LHFPL6: variants seen among roughly 807,000 people sequenced by gnomAD.
LHFPL6 encodes LHFPL tetraspan subfamily member 6.
A neutral mutation model predicts 20.6 loss-of-function variants in LHFPL6; 9 were observed. The observed-to-expected ratio is 0.44, with a 90% CI of 0.26 to 0.76. The LOEUF (loss-of-function observed/expected upper bound fraction) is 0.76. LHFPL6 is among the 30% of genes least tolerant of loss of function. The pLI, the probability that LHFPL6 is intolerant of heterozygous loss-of-function variation, is 0.20. For missense variants in LHFPL6, 218 were observed against 253.5 expected, an observed-to-expected ratio of 0.86 and a Z score of 0.95; for synonymous variants, 105 against 98.7, an observed-to-expected ratio of 1.06 and a Z score of -0.38.
Position 39,441,447 on chromosome 13 carries a change from GCCTT to G in LHFPL6, c.386-62925_386-62922del, listed in dbSNP as rs1371195079. Among the ~76,000 whole-genome samples, 12 of 151,958 alleles carry G rather than the reference GCCTT, an allele frequency of 7.9e-5. No individual in the cohort carries two copies. The East Asian group carries it at 2.3e-3, about 29-fold the overall frequency. Reference sequence around the variant, plus strand: ...AGGAAAATGGAGAAAAAAGTCTACCGCCTTCCTGATATATTGCTTCAATTTTGTC... The same window carrying G: ...AGGAAAATGGAGAAAAAAGTCTACCGCCTGATATATTGCTTCAATTTTGTC... On this transcript the variant is annotated intron_variant, in intron 2 of 3. Coordinates refer to ENST00000379589, the MANE Select transcript of LHFPL6 (RefSeq NM_005780.3).
At chr13:39,436,943 C>T (rs1487836492) in intron 2 of LHFPL6, among the ~76,000 whole-genome samples, 1 of 152,212 alleles carries the variant, frequency 6.6e-6, no homozygotes, top group African/African-American at 2.4e-5. Context: ...TGGAACTCAA[C>T]AGACCTGTGA....
At chr13:39,506,490 G>T (rs527474465) in intron 2 of LHFPL6, among the ~76,000 whole-genome samples, 1 of 152,210 alleles carries the variant, frequency 6.6e-6, no homozygotes, top group Non-Finnish European at 1.5e-5. Flanking sequence ...TTTCTATCCA[G>T]CCAGGCTAGG....
chr13:39,528,730 C>T (rs1870369234), intron 2 of LHFPL6, among the ~76,000 whole-genome samples: 1 of 152,198 alleles, frequency 6.6e-6, no homozygotes, highest in African/African-American at 2.4e-5. Flanking sequence ...ACACTTGTCA[C>T]CCCTGTTGAC....
chr13:39,595,908 A>G (rs774412409), intron 2 of LHFPL6, among the ~76,000 whole-genome samples: 9 of 152,144 alleles, frequency 5.9e-5, no homozygotes, highest in Non-Finnish European at 1.0e-4. Context: ...CAAGATGTAC[A>G]TGACTGTACA....
At chr13:39,465,882 C>G (rs1039404403) in intron 2 of LHFPL6, among the ~76,000 whole-genome samples, 5 of 152,002 alleles carry the variant, frequency 3.3e-5, no homozygotes, top group African/African-American at 9.7e-5. Flanking sequence ...AATGACCTAG[C>G]AAGGTGTATG....
intron 2 of LHFPL6, among the ~76,000 whole-genome samples, chr13:39,530,409 C>G (rs1024010616): frequency 6.6e-6 from 1 of 151,934 alleles, no homozygotes; most frequent in African/African-American, 2.4e-5. Context: ...AACTGGAGCA[C>G]CATATCTGCC....
chr13:39,444,297 A>G (rs1872226359), intron 2 of LHFPL6, among the ~76,000 whole-genome samples: 1 of 152,252 alleles, frequency 6.6e-6, no homozygotes, highest in Admixed American at 6.5e-5. Context: ...CAGAATGGAA[A>G]GATTTGGAAA....
intron 2 of LHFPL6, among the ~76,000 whole-genome samples, chr13:39,465,067 G>C (rs1377914239): frequency 6.6e-6 from 1 of 152,096 alleles, no homozygotes; most frequent in African/African-American, 2.4e-5. Flanking sequence ...TAACTAACTT[G>C]AGCAGTAAAA....
At chr13:39,593,296 G>T (rs562797063) in intron 2 of LHFPL6, among the ~76,000 whole-genome samples, 385 of 152,250 alleles carry the variant, frequency 2.5e-3, no homozygotes, top group Non-Finnish European at 4.6e-3. Context: ...AAATCAATGT[G>T]CAAAAATCAC....
intron 2 of LHFPL6, among the ~76,000 whole-genome samples, chr13:39,473,404 T>TC (rs1873000246): frequency 6.6e-6 from 1 of 151,408 alleles, no homozygotes; most frequent in Non-Finnish European, 1.5e-5. Context: ...CATGCTGAGA[T>TC]ATATTTTATA....
chr13:39,405,191 C>T (rs780963994), intron 2 of LHFPL6, among the ~76,000 whole-genome samples: 4 of 150,974 alleles, frequency 2.6e-5, no homozygotes, highest in East Asian at 1.9e-4. Context: ...TGAGCATGGA[C>T]GGTCTAATTT....
intron 2 of LHFPL6, among the ~76,000 whole-genome samples, chr13:39,417,151 T>C (rs1390306648): frequency 6.6e-6 from 1 of 152,170 alleles, no homozygotes; most frequent in Non-Finnish European, 1.5e-5. Context: ...TTCTCTTCTT[T>C]GGAATCATCC....
intron 2 of LHFPL6, among the ~76,000 whole-genome samples, chr13:39,471,021 A>G (rs1192525517): frequency 6.6e-6 from 1 of 152,224 alleles, no homozygotes; most frequent in African/African-American, 2.4e-5. Flanking sequence ...ACCATGAACT[A>G]CATAGTTGAG....
chr13:39,354,047 C>T (rs1199525674), intron 3 of LHFPL6, among the ~76,000 whole-genome samples: 14 of 152,226 alleles, frequency 9.2e-5, no homozygotes, highest in Admixed American at 9.2e-4. Context: ...CAGAGCAGCA[C>T]TGCAGTGGGT....
Position 39,343,935 on chromosome 13 carries a change from C to T in LHFPL6, c.*1G>A. ...CTCTGTCTGCTCTTGGTAGCTCCAT[C>T]TCAGTATGGGTAGTGCTTCTGTTTC... is the stretch of plus-strand genomic sequence containing the variant. On this transcript the variant is annotated 3_prime_UTR_variant, in exon 4 of 4. Transcript: ENST00000379589. 6.2e-7 allele frequency: 1 copy of T among 1,612,784 alleles called. No homozygotes were observed. Among genetic ancestry groups the T allele is most frequent in the Non-Finnish European group, 8.5e-7 (1 of 1,179,146 alleles).
chr13:39,372,617 C>T (rs145390309), intron 3 of LHFPL6, among the ~76,000 whole-genome samples: 159 of 152,316 alleles, frequency 1.0e-3, no homozygotes, highest in Middle Eastern at 6.8e-3. Flanking sequence ...CAGAGCGCTG[C>T]ACTTAATAAA....
At chr13:39,597,084 G>A (rs541853339) in intron 2 of LHFPL6, among the ~76,000 whole-genome samples, 6 of 152,280 alleles carry the variant, frequency 3.9e-5, no homozygotes, top group East Asian at 1.9e-4. Context: ...GATGATCTCC[G>A]GCTTCTTAGA....
At chr13:39,358,304 C>T (rs1460096395) in intron 3 of LHFPL6, among the ~76,000 whole-genome samples, 2 of 152,108 alleles carry the variant, frequency 1.3e-5, no homozygotes, top group African/African-American at 4.8e-5. Flanking sequence ...GAAACGATTC[C>T]CTATTCGATA....
chr13:39,426,371 C>A (rs555857317), intron 2 of LHFPL6, among the ~76,000 whole-genome samples: 77 of 152,216 alleles, frequency 5.1e-4, no homozygotes, highest in Middle Eastern at 3.4e-3. Context: ...CAGGCATGTG[C>A]CACCACGCTT....
Sources: allele counts gnomAD v4.1 joint callset (sites outside exome capture counted in the v4.1 genomes callset), GRCh38; gene constraint gnomAD v4.1.1; transcripts MANE v1.5; gene names NCBI Gene and HGNC (gene_info 2026-07-23, HGNC 2026-07-21).